WDR3: variants seen among roughly 807,000 people sequenced by gnomAD.
The protein encoded by WDR3 is WD repeat domain 3.
In WDR3, 81 loss-of-function variants were observed where a neutral mutation model predicts 123.7. The observed-to-expected ratio is 0.65, with a 90% CI of 0.55 to 0.79. WDR3 has a LOEUF of 0.79. Among genes scored for constraint, WDR3 ranks in the 30% least tolerant of loss-of-function variants. WDR3 has a pLI of 0.00. For missense variants in WDR3, 1,027 were observed against 1,123.2 expected (o/e 0.91, Z 1.22); for synonymous variants, 390 against 388.8 (o/e 1.00, Z -0.04).
At chr1:117,940,749 CAAAA>C in intron 6 of WDR3, 74 bp from the exon 7 acceptor site, 2 of 1,293,852 alleles carry the variant, frequency 1.5e-6, no homozygotes, top group Admixed American at 4.2e-5. Flanking sequence ...ACAACAACAA[CAAAA>C]CAACAACAAC....
At position 117,949,635 on chromosome 1, in the gene WDR3, T is replaced by A. The variant is rs1651529508; in HGVS notation, c.1525-116T>A. The A allele has an allele frequency of 4.1e-6, 5 of 1,219,114 alleles. No homozygotes were observed. In the South Asian group the frequency reaches 7.8e-5, roughly 19 times the overall value. The allele number at this position is 1,219,114 out of a possible 1,614,324, so 75.5% of individuals were successfully genotyped here. On this transcript the variant is annotated intron_variant, in intron 13 of 26. Coordinates refer to ENST00000349139, the MANE Select transcript of WDR3 (RefSeq NM_006784.3). ...GGGCTAGGGAGAACCACGTTTTTCT[T>A]AATTTTTATCCCATGACGTTAAATA...
In WDR3 at chr1:117,940,859, A is replaced by G. The variant is rs1468653462; in HGVS notation, c.708A>G (p.Lys236=). ...ACCCGGAAGAACCAGACCCCAAGAA[A>G]ATCAAAGGATCTTCTCCTGGAATAC... is the stretch of plus-strand genomic sequence containing the variant. ...IEDPEEPDPK[K]IKGSSPGIQD... is the part of the protein sequence containing the mutation. Residue 236 remains lysine, a synonymous_variant, in exon 7 of 27, where the codon AAA becomes AAG. Coordinates refer to ENST00000349139, the MANE Select transcript of WDR3 (RefSeq NM_006784.3). 3 of 1,613,700 alleles carry G rather than the reference A, an allele frequency of 1.9e-6. No homozygotes were observed. The highest frequency in any genetic ancestry group is 2.5e-6 in the Non-Finnish European group (3 of 1,179,934).
chr1:117,934,090 AC>A (rs1650832412), intron 2 of WDR3, among the ~76,000 whole-genome samples: 3 of 152,218 alleles, frequency 2.0e-5, no homozygotes, highest in Admixed American at 6.5e-5. Flanking sequence ...CTGTTGCCAC[AC>A]AGATTATTTT....
chr1:117,951,550 C>T (rs1450103644), intron 16 of WDR3, among the ~76,000 whole-genome samples: 5 of 147,972 alleles, frequency 3.4e-5, no homozygotes, highest in African/African-American at 1.3e-4. Context: ...TTGGACCACG[C>T]ATTGAAATAG....
chr1:117,931,169 T>C (rs962181861), intron 1 of WDR3, among the ~76,000 whole-genome samples: 1 of 152,210 alleles, frequency 6.6e-6, no homozygotes, highest in African/African-American at 2.4e-5. Flanking sequence ...TCTTGACTCC[T>C]AGGCCTTGGC....
Position 117,961,591 on chromosome 1 carries a change from T to G in WDR3, c.*2144T>G, listed in dbSNP as rs1343431340. The G allele has an allele frequency of 6.6e-6, 1 of 152,218 alleles. No individual in the cohort carries two copies. Among genetic ancestry groups the G allele is most frequent in the Non-Finnish European group, 1.5e-5 (1 of 68,040 alleles). 9.4% of individuals were successfully genotyped at this position (152,218 alleles called of 1,614,324 possible). A position where few individuals can be genotyped will look rare whatever the true frequency, so the allele number is the denominator to read the frequency against. ...TATGGTTTCTGTCTGAATTTGGTCATTGCAACCAAGTTACTGTGTTGTGGG... is the reference window on the plus strand; with the variant it reads ...TATGGTTTCTGTCTGAATTTGGTCAGTGCAACCAAGTTACTGTGTTGTGGG... On this transcript the variant is annotated 3_prime_UTR_variant, in exon 27 of 27. Transcript: ENST00000349139.
intron 24 of WDR3, among the ~76,000 whole-genome samples, chr1:117,956,663 TACAAAATTA>T (rs200668431): frequency 0.019 from 2,879 of 152,256 alleles, 76 homozygotes; most frequent in South Asian, 0.12. Context: ...ATTAAAAGGC[TACAAAATTA>T]GCAAAATTAA....
At chr1:117,952,106 T>TTGAGTCACC (rs752895629) in intron 17 of WDR3, 30 bp downstream of exon 17, 1 of 1,599,600 alleles carries the variant, frequency 6.3e-7, no homozygotes, top group Non-Finnish European at 8.5e-7. Context: ...ATGTCTCCCT[T>TTGAGTCACC]TGAGTCACCT....
intron 6 of WDR3, among the ~76,000 whole-genome samples, chr1:117,940,480 T>C (rs1252894996): frequency 6.6e-6 from 1 of 152,014 alleles, no homozygotes; most frequent in Non-Finnish European, 1.5e-5. Flanking sequence ...TCCCAGTACT[T>C]TGGGAGGCTG....
At chr1:117,958,704 A>G (rs1044185417) in intron 25 of WDR3, among the ~76,000 whole-genome samples, 3 of 151,538 alleles carry the variant, frequency 2.0e-5, no homozygotes, top group African/African-American at 7.3e-5. Flanking sequence ...CATAAGGTTT[A>G]GGACAGTATT....
chr1:117,939,804 T>G (rs1651077803), intron 6 of WDR3, among the ~76,000 whole-genome samples: 1 of 152,204 alleles, frequency 6.6e-6, no homozygotes, highest in Non-Finnish European at 1.5e-5. Flanking sequence ...ATGTTTTAGT[T>G]TGTGGCACTC....
At chr1:117,934,384 T>G in intron 2 of WDR3, 89 bp from the exon 3 acceptor site, 1 of 1,277,686 alleles carries the variant, frequency 7.8e-7, no homozygotes, top group Non-Finnish European at 1.1e-6. Context: ...ATTGGTGCTC[T>G]TAATTTTACT....
chr1:117,944,540 T>G (rs1245349326), intron 11 of WDR3, among the ~76,000 whole-genome samples: 1 of 152,212 alleles, frequency 6.6e-6, no homozygotes, highest in Non-Finnish European at 1.5e-5. Context: ...CTTGGATGTC[T>G]AATTAAGCAT....
rs1000241479 is a variant in WDR3, at chr1:117,960,230, C to G, written c.*783C>G. ...GTAGGGGCACTGACCCACCCCTACG[C>G]CCCGCACAGTCAAAAATCTGCATAT... On this transcript the variant is annotated 3_prime_UTR_variant, in exon 27 of 27. Transcript: ENST00000349139. 6.6e-6 allele frequency: 1 copy of G among 151,810 alleles called. No individual in the cohort carries two copies. Among genetic ancestry groups the G allele is most frequent in the Non-Finnish European group, 1.5e-5 (1 of 67,978 alleles). The allele number at this position is 151,810 out of a possible 1,614,324, so 9.4% of individuals were successfully genotyped here.
At chr1:117,941,339 T>A in intron 8 of WDR3, 114 bp downstream of exon 8, 1 of 982,560 alleles carries the variant, frequency 1.0e-6, no homozygotes, top group Non-Finnish European at 1.5e-6. Context: ...AATAATTCAT[T>A]ATATGGTACT....
At chr1:117,951,510 T>C (rs1228546394) in intron 16 of WDR3, among the ~76,000 whole-genome samples, 1 of 332 alleles carries the variant, frequency 3.0e-3, no homozygotes, top group Non-Finnish European at 6.4e-3. Context: ...ATGTATTTCT[T>C]TTTTTTTTTT....
chr1:117,954,016 A>G lies in WDR3; in HGVS notation c.2278A>G (p.Ile760Val), dbSNP rs1264374677. 6.2e-7 allele frequency: 1 copy of G among 1,611,350 alleles called. No homozygotes were observed. The highest frequency in any genetic ancestry group is 1.1e-5 in the South Asian group (1 of 90,928). Residue 760 changes from isoleucine to valine, a missense_variant, in exon 22 of 27, where the codon ATT (isoleucine) becomes GTT (valine). Physicochemically the swap from Ile to Val is conservative, Grantham distance 29. Coordinates refer to ENST00000349139, the MANE Select transcript of WDR3 (RefSeq NM_006784.3). ...TTCTCATCCTCTGTAGGCTGAGAGG[A>G]TTATGGAGGCTATTGAGTTGTACCG... Reference protein sequence around the residue: ...TIETVKAAERIMEAIELYREE... With the variant: ...TIETVKAAERVMEAIELYREE...
In WDR3 at chr1:117,933,354, C is replaced by G; in HGVS notation, c.35C>G (p.Ala12Gly). 6.2e-7 allele frequency: 1 copy of G among 1,614,168 alleles called. No homozygotes were observed. The highest frequency in any genetic ancestry group is 8.5e-7 in the Non-Finnish European group (1 of 1,180,036). The change falls in exon 2 of 27, where the codon GCT (alanine) becomes GGT (glycine). Residue 12 changes from alanine (A) to glycine (G), a missense_variant. Physicochemically the swap from Ala to Gly is moderately conservative, Grantham distance 60. Transcript: ENST00000349139. Reference protein sequence around the residue: ...GLTKQYLRYVASAVFGVIGSQ... With the variant: ...GLTKQYLRYVGSAVFGVIGSQ... ...ACCAAGCAGTACCTACGCTATGTTGCTAGTGCGGTCTTTGGCGTTATCGGC... is the reference window on the plus strand; with the variant it reads ...ACCAAGCAGTACCTACGCTATGTTGGTAGTGCGGTCTTTGGCGTTATCGGC...
Position 117,933,456 on chromosome 1 carries a change from A to G in WDR3, c.137A>G (p.His46Arg). Residue 46 changes from histidine (H) to arginine (R), a missense_variant, in exon 2 of 27, where the codon CAC (histidine) becomes CGC (arginine). Coordinates refer to ENST00000349139, the MANE Select transcript of WDR3 (RefSeq NM_006784.3). ...GRYVAVPACEHVFIWDLRKGE... is the reference protein window; with the variant it reads ...GRYVAVPACERVFIWDLRKGE... ...TATGTGGCAGTACCAGCTTGTGAAC[A>G]CGTTTTCATCTGGGACTTAAGGAAA... 6.2e-7 allele frequency: 1 copy of G among 1,614,180 alleles called. No homozygotes were observed. Among genetic ancestry groups the G allele is most frequent in the Non-Finnish European group, 8.5e-7 (1 of 1,180,024 alleles).
Sources: gnomAD v4.1 joint callset for allele counts (sites outside exome capture counted in the v4.1 genomes callset) on GRCh38, gnomAD v4.1.1 for gene constraint, MANE v1.5 for transcripts, NCBI Gene and HGNC (gene_info 2026-07-23, HGNC 2026-07-21) for gene names.